Variants in DOT1L observed in about 807,000 individuals in gnomAD.
DOT1L encodes the protein histone-lysine N-methyltransferase, H3 lysine-79 specific.
Under a neutral mutation model 153.3 loss-of-function variants are expected in DOT1L, and 33 were observed. The observed-to-expected ratio is 0.22, with a 90% CI of 0.16 to 0.29. DOT1L has a LOEUF of 0.29. Among genes scored for constraint, DOT1L ranks in the 10% least tolerant of loss-of-function variants. The probability of loss-of-function intolerance (pLI) is 1.00; values close to 1 mark genes in which losing one functional copy is unlikely to be tolerated. For missense variants in DOT1L, 1,847 were observed against 2,119.9 expected (o/e 0.87, Z 2.53); for synonymous variants, 1,135 against 965.1 (o/e 1.18, Z -3.26).
At chr19:2,227,603 G>A (rs2024406708) in intron 27 of DOT1L, 4 of 1,030,672 alleles carry the variant, frequency 3.9e-6, no homozygotes, top group East Asian at 7.8e-5. Context: ...TGGCCGAGCC[G>A]CTGCTTGTGC....
Position 2,220,204 on chromosome 19 carries a change from C to T in DOT1L, c.2788C>T (p.Leu930Phe). ...ANAHGAGSRS[L>F]ALAPAGFSYA... ...TGCCCACGGTGCTGGGAGCAGAAGC[C>T]TTGCCCTGGCCCCCGCAGGTAACGC... is the stretch of plus-strand genomic sequence containing the variant. The change falls in exon 23 of 28, where the codon CTT becomes TTT. Residue 930 changes from leucine (L) to phenylalanine (F), a missense_variant. This residue lies in a region of DOT1L where 68 missense variants were observed against 80.7 expected (regional missense o/e 0.84). Coordinates refer to ENST00000398665, the MANE Select transcript of DOT1L (RefSeq NM_032482.3). The surrounding 1 kb of genome is among the most constrained non-coding windows in gnomAD (Gnocchi z 4.5). 6.2e-7 allele frequency: 1 copy of T among 1,613,488 alleles called. No individual in the cohort carries two copies. Among genetic ancestry groups the T allele is most frequent in the South Asian group, 1.1e-5 (1 of 91,052 alleles).
intron 3 of DOT1L, chr19:2,188,137 C>T (rs957879112): frequency 7.2e-5 from 11 of 152,290 alleles, no homozygotes; most frequent in Non-Finnish European, 1.0e-4. Context: ...CCGGGGCTGT[C>T]GGCAGGCTCT....
At chr19:2,228,428 G>A (rs1181053656) in intron 27 of DOT1L, 2 of 1,238,960 alleles carry the variant, frequency 1.6e-6, no homozygotes, top group East Asian at 5.1e-5. Flanking sequence ...ACACTGAACT[G>A]TCCTTCCTTT....
intron 22 of DOT1L, among the ~76,000 whole-genome samples, chr19:2,218,739 C>G (rs947333480): frequency 2.0e-5 from 3 of 151,964 alleles, no homozygotes; most frequent in Admixed American, 1.3e-4. Flanking sequence ...TTCTGTCCCC[C>G]AGGCTGGAGT....
chr19:2,222,857 A>T lies in DOT1L; in HGVS notation c.3390+298A>T. ...TGAGATCGGCCACTGCCTGGGCCAC[A>T]GAGCGAGACTCCCTCTCGGGGGGAC... On this transcript the variant is annotated intron_variant, in intron 24 of 27. Coordinates refer to ENST00000398665, the MANE Select transcript of DOT1L (RefSeq NM_032482.3). This position sits in a 1 kb window ranked among gnomAD's most constrained non-coding sequence, Gnocchi z 6.5. 2.4e-6 allele frequency: 1 copy of T among 411,510 alleles called. No individual in the cohort carries two copies. The highest frequency in any genetic ancestry group is 4.0e-5 in the East Asian group (1 of 24,992). The allele number at this position is 411,510 out of a possible 1,614,324, so 25.5% of individuals were successfully genotyped here. A position where few individuals can be genotyped will look rare whatever the true frequency, so the allele number is the denominator to read the frequency against.
At chr19:2,211,060 G>T (rs189525946) in intron 14 of DOT1L, 39 bp from the exon 15 acceptor site, 2 of 1,591,426 alleles carry the variant, frequency 1.3e-6, no homozygotes, top group South Asian at 1.1e-5. Context: ...CCGCTCTCCC[G>T]ACCCGCCCTG....
rs144479179 is a variant in DOT1L at position 2,179,228 on chromosome 19, C to T, written c.82-1485C>T. 2.5e-3 allele frequency among the ~76,000 whole-genome samples: 375 copies of T among 152,336 alleles called. 3 individuals are homozygous for T. The highest frequency in any genetic ancestry group is 6.7e-3 in the African/African-American group (277 of 41,574). On this transcript the variant is annotated intron_variant, in intron 1 of 27. Coordinates refer to ENST00000398665, the MANE Select transcript of DOT1L (RefSeq NM_032482.3). ...CAGATGGGGTTGCGTCCCGCTGGGC[C>T]TTGGGAGGCTCGTGGCGGCTGCGTG...
At chr19:2,218,979 C>G (rs567633512) in intron 22 of DOT1L, among the ~76,000 whole-genome samples, 49 of 152,302 alleles carry the variant, frequency 3.2e-4, no homozygotes, top group Non-Finnish European at 6.2e-4. Context: ...TCAAGCAGTT[C>G]TCCTGCCTCA....
intron 2 of DOT1L, among the ~76,000 whole-genome samples, chr19:2,181,952 G>A (rs2022260224): frequency 6.6e-6 from 1 of 152,222 alleles, no homozygotes; most frequent in African/African-American, 2.4e-5. Flanking sequence ...GCTGTGCACG[G>A]TGGCTCACGC....
At chr19:2,229,713 C>G in intron 27 of DOT1L, 72 bp from the exon 28 acceptor site, 1 of 1,610,404 alleles carries the variant, frequency 6.2e-7, no homozygotes. Flanking sequence ...GGTCCCCAGC[C>G]TGGGTGAGTG....
At chr19:2,211,957 C>G (rs1472131338) in intron 16 of DOT1L, 115 bp downstream of exon 16, 1 of 907,030 alleles carries the variant, frequency 1.1e-6, no homozygotes, top group Non-Finnish European at 1.6e-6. Context: ...AGTGGGCTCC[C>G]TCCTCTGCTC....
intron 9 of DOT1L, among the ~76,000 whole-genome samples, chr19:2,203,570 C>T (rs1476245373): frequency 6.6e-6 from 1 of 152,230 alleles, no homozygotes; most frequent in Non-Finnish European, 1.5e-5. Context: ...GGTCACCAGG[C>T]CCATGCAGGG....
At chr19:2,202,352 G>C (rs1261635926) in intron 8 of DOT1L, among the ~76,000 whole-genome samples, 1 of 152,226 alleles carries the variant, frequency 6.6e-6, no homozygotes, top group Non-Finnish European at 1.5e-5. Context: ...TCTGTTTTTG[G>C]CCACCCACCT....
chr19:2,228,911 G>A, intron 27 of DOT1L: 1 of 985,420 alleles, frequency 1.0e-6, no homozygotes, highest in Non-Finnish European at 1.2e-6. Flanking sequence ...CCCTCATAGG[G>A]AGCCAGTGAA....
intron 1 of DOT1L, among the ~76,000 whole-genome samples, chr19:2,170,709 G>C (rs545570135): frequency 6.6e-6 from 1 of 152,180 alleles, no homozygotes; most frequent in South Asian, 2.1e-4. Context: ...CCCTTACCTC[G>C]GCTTGATTAC....
chr19:2,217,670 CGCCTTGAGAGA>C lies in DOT1L; in HGVS notation c.2545-99_2545-89del. The C allele has an allele frequency of 1.4e-6, 2 of 1,481,410 alleles. No individual in the cohort carries two copies. The highest frequency in any genetic ancestry group is 1.8e-6 in the Non-Finnish European group (2 of 1,106,182). The allele number at this position is 1,481,410 out of a possible 1,614,324, so 91.8% of individuals were successfully genotyped here. A position where few individuals can be genotyped will look rare whatever the true frequency, so the allele number is the denominator to read the frequency against. ...TGCAGGGCCTTGGCAGCGTGGGGGC[CGCCTTGAGAGA>C]GCTGTAGCAGGCCCCCGTCCTGTGG... On this transcript the variant is annotated intron_variant, in intron 21 of 27. Coordinates refer to ENST00000398665, the MANE Select transcript of DOT1L (RefSeq NM_032482.3). The surrounding 1 kb of genome is among the most constrained non-coding windows in gnomAD (Gnocchi z 7.3).
intron 7 of DOT1L, among the ~76,000 whole-genome samples, chr19:2,195,203 G>A (rs1373772883): frequency 2.6e-5 from 4 of 152,014 alleles, no homozygotes; most frequent in Non-Finnish European, 5.9e-5. Context: ...ACCCAGGTTG[G>A]GTGATTAATG....
At chr19:2,167,270 A>G (rs1288849108) in intron 1 of DOT1L, among the ~76,000 whole-genome samples, 1 of 152,188 alleles carries the variant, frequency 6.6e-6, no homozygotes, top group Non-Finnish European at 1.5e-5. Flanking sequence ...AACAGTTGCC[A>G]CTTGTCAGTG....
chr19:2,166,385 C>G (rs1354094452), intron 1 of DOT1L, among the ~76,000 whole-genome samples: 1 of 152,036 alleles, frequency 6.6e-6, no homozygotes, highest in African/African-American at 2.4e-5. Context: ...CACGAGCCAC[C>G]TCGCCTGGCC....
Sources: gnomAD v4.1 joint callset for allele counts (sites outside exome capture counted in the v4.1 genomes callset) on GRCh38, gnomAD v4.1.1 for gene constraint, gnomAD v4.1.1 regional missense constraint, Gnocchi (gnomAD v3.1) non-coding constraint, MANE v1.5 for transcripts, NCBI Gene and HGNC (gene_info 2026-07-23, HGNC 2026-07-21) for gene names.